Variants in OTUD7A observed in about 807,000 individuals in gnomAD.
OTUD7A encodes the protein OTU deubiquitinase 7A.
OTUD7A carries 12 observed loss-of-function variants against 65.7 expected under a neutral mutation model. The ratio of observed to expected loss-of-function variants is 0.18; its 90% CI spans 0.12 to 0.30. The LOEUF is 0.30. Ranked by LOEUF, OTUD7A falls within the 10% of genes least tolerant of loss-of-function variation. OTUD7A has a pLI of 1.00. For synonymous variants in OTUD7A, 641 were observed against 586.3 expected, an observed-to-expected ratio of 1.09 and a Z score of -1.35; for missense variants, 1,148 against 1,304.8, an observed-to-expected ratio of 0.88 and a Z score of 1.85.
At chr15:31,583,220 G>C (rs1889425558) in intron 3 of OTUD7A, among the ~76,000 whole-genome samples, 1 of 152,188 alleles carries the variant, frequency 6.6e-6, no homozygotes, top group African/African-American at 2.4e-5. Flanking sequence ...CTCTCTTTCT[G>C]GTGCAGTCTA....
intron 1 of OTUD7A, among the ~76,000 whole-genome samples, chr15:31,734,953 T>C (rs1648839318): frequency 6.6e-6 from 1 of 151,618 alleles, no homozygotes; most frequent in South Asian, 2.1e-4. Context: ...ACCAACAGAG[T>C]AAACAGACAA....
intron 1 of OTUD7A, among the ~76,000 whole-genome samples, chr15:31,736,750 A>C (rs543460404): frequency 6.6e-6 from 1 of 152,342 alleles, no homozygotes; most frequent in East Asian, 1.9e-4. Context: ...AATAACCGTA[A>C]AAATATTAAA....
intron 4 of OTUD7A, among the ~76,000 whole-genome samples, chr15:31,561,430 C>A (rs574118920): frequency 6.6e-6 from 1 of 152,270 alleles, no homozygotes; most frequent in African/African-American, 2.4e-5. Context: ...ATTAGAGAAT[C>A]GAGGTGCTAT....
chr15:31,689,779 T>G (rs1381488937), intron 1 of OTUD7A, among the ~76,000 whole-genome samples: 1 of 151,934 alleles, frequency 6.6e-6, no homozygotes, highest in Non-Finnish European at 1.5e-5. Flanking sequence ...GACGTGAGGG[T>G]GGGCTCAGAG....
chr15:31,616,534 C>CT (rs1890592456), intron 3 of OTUD7A, among the ~76,000 whole-genome samples: 2 of 152,266 alleles, frequency 1.3e-5, no homozygotes, highest in South Asian at 4.2e-4. Flanking sequence ...CTAAGAATAG[C>CT]TTTTACATTT....
intron 1 of OTUD7A, among the ~76,000 whole-genome samples, chr15:31,682,279 T>C (rs939045999): frequency 6.6e-6 from 1 of 152,190 alleles, no homozygotes; most frequent in Non-Finnish European, 1.5e-5. Flanking sequence ...TTTTTATGGA[T>C]TGTAAGATAT....
chr15:31,838,159 C>A (rs908374931), intron 1 of OTUD7A, among the ~76,000 whole-genome samples: 2 of 152,064 alleles, frequency 1.3e-5, no homozygotes, highest in African/African-American at 4.8e-5. Flanking sequence ...TGCAAAACTA[C>A]AAAAGTTTAG....
chr15:31,555,844 C>CTTTTTCTT lies in OTUD7A; in HGVS notation c.550+3117_550+3124dup, dbSNP rs1555396066. Among the ~76,000 whole-genome samples, 3 of 90,446 alleles carry CTTTTTCTT rather than the reference C, an allele frequency of 3.3e-5. No homozygotes were observed. The East Asian group carries it at 7.8e-4, about 24-fold the overall frequency. 59.3% of individuals were successfully genotyped at this position (90,446 alleles called of 152,430 possible). A position where few individuals can be genotyped will look rare whatever the true frequency, so the allele number is the denominator to read the frequency against. ...ACACAGTTGTCTGCGTACCTCTGTT[C>CTTTTTCTT]TTTTTCTTTTTTTTTTTTTTGAGAC... On this transcript the variant is annotated intron_variant, in intron 5 of 12. Transcript: ENST00000307050.
At position 31,773,378 on chromosome 15, in the gene OTUD7A, C is replaced by A. The variant is rs200015283; in HGVS notation, c.-100+97129G>T. Among the ~76,000 whole-genome samples, 4 of 152,310 alleles carry A rather than the reference C, an allele frequency of 2.6e-5. No individual in the cohort carries two copies. In the East Asian group the frequency reaches 7.7e-4, roughly 29 times the overall value. On this transcript the variant is annotated intron_variant, in intron 1 of 12. Coordinates refer to ENST00000307050, the MANE Select transcript of OTUD7A (RefSeq NM_001382637.1). ...AAGAAGTCCAACATCAAGGCACCTGCAGATTCCATGTCTGATAAGGGCCTG... is the reference window on the plus strand; with the variant it reads ...AAGAAGTCCAACATCAAGGCACCTGAAGATTCCATGTCTGATAAGGGCCTG...
chr15:31,669,515 C>G (rs973957746), intron 1 of OTUD7A, among the ~76,000 whole-genome samples: 2 of 152,202 alleles, frequency 1.3e-5, no homozygotes, highest in Non-Finnish European at 2.9e-5. Flanking sequence ...CTAACAGCCC[C>G]AAGTCTGTTT....
chr15:31,721,874 G>T (rs1482076889), intron 1 of OTUD7A, among the ~76,000 whole-genome samples: 1 of 152,256 alleles, frequency 6.6e-6, no homozygotes, highest in Non-Finnish European at 1.5e-5. Flanking sequence ...TCGGACCCAG[G>T]CTCCTAGGCC....
Position 31,501,676 on chromosome 15 carries a change from G to A in OTUD7A, c.1171+14C>T. 1 of 1,614,086 alleles carries A rather than the reference G, an allele frequency of 6.2e-7. No individual in the cohort carries two copies. The highest frequency in any genetic ancestry group is 8.5e-7 in the Non-Finnish European group (1 of 1,179,992). ...CTAGGCTCCTGCGTGCACTCTCTTG[G>A]GAGACAGGCATACCTTGTTCTCTTT... On this transcript the variant is annotated intron_variant, in intron 10 of 12. Coordinates refer to ENST00000307050, the MANE Select transcript of OTUD7A (RefSeq NM_001382637.1).
chr15:31,500,548 A>C (rs919877652), intron 10 of OTUD7A, among the ~76,000 whole-genome samples: 1 of 152,250 alleles, frequency 6.6e-6, no homozygotes, highest in African/African-American at 2.4e-5. Flanking sequence ...CTGCCAGGCC[A>C]GGAAGTGACA....
chr15:31,846,926 C>G (rs1244831355), intron 1 of OTUD7A, among the ~76,000 whole-genome samples: 1 of 152,188 alleles, frequency 6.6e-6, no homozygotes, highest in Non-Finnish European at 1.5e-5. Flanking sequence ...GACACAATGC[C>G]AAGGGCAGCA....
intron 1 of OTUD7A, among the ~76,000 whole-genome samples, chr15:31,870,036 G>C (rs1433194693): frequency 4.0e-5 from 6 of 151,318 alleles, no homozygotes; most frequent in African/African-American, 1.2e-4. Context: ...TCCGGTGCCC[G>C]GCGAGCGGCC....
chr15:31,666,278 T>G (rs1892318101), intron 1 of OTUD7A, among the ~76,000 whole-genome samples: 1 of 152,136 alleles, frequency 6.6e-6, no homozygotes, highest in African/African-American at 2.4e-5. Flanking sequence ...ATTTTTAAAT[T>G]AAGATTTCAA....
chr15:31,606,631 A>T (rs996431272), intron 3 of OTUD7A, among the ~76,000 whole-genome samples: 2 of 152,242 alleles, frequency 1.3e-5, no homozygotes, highest in Non-Finnish European at 2.9e-5. Context: ...TGTAAACTGT[A>T]ACACTACAAA....
chr15:31,747,730 G>A (rs1894518126), intron 1 of OTUD7A, among the ~76,000 whole-genome samples: 2 of 152,124 alleles, frequency 1.3e-5, no homozygotes, highest in South Asian at 4.1e-4. Context: ...AGTTTAATGA[G>A]CAAAATCCTA....
chr15:31,804,215 C>G (rs905435), intron 1 of OTUD7A, among the ~76,000 whole-genome samples: 142,499 of 152,232 alleles, frequency 0.94, 67,413 homozygotes, highest in East Asian at 1. Flanking sequence ...ATATAAAATA[C>G]CTTGAAGAGA....
Sources: gnomAD v4.1 joint callset for allele counts (sites outside exome capture counted in the v4.1 genomes callset) on GRCh38, gnomAD v4.1.1 for gene constraint, MANE v1.5 for transcripts, NCBI Gene and HGNC (gene_info 2026-07-23, HGNC 2026-07-21) for gene names.